Variants in OPHN1 observed in about 807,000 individuals in gnomAD.
OPHN1 encodes oligophrenin-1.
In OPHN1, 11 loss-of-function variants were observed where a neutral mutation model predicts 60.7. That is an observed-to-expected ratio of 0.18 (90% CI 0.11 to 0.30). OPHN1 has a LOEUF of 0.30. Among genes scored for constraint, OPHN1 ranks in the 10% least tolerant of loss-of-function variants. OPHN1 has a pLI of 1.00. For synonymous variants in OPHN1, 226 were observed against 222.6 expected, an observed-to-expected ratio of 1.02 and a Z score of -0.14; for missense variants, 449 against 611.0, an observed-to-expected ratio of 0.73 and a Z score of 2.80.
At chrX:68,060,451 A>G (rs1224150885) in intron 21 of OPHN1, among the ~76,000 whole-genome samples, 3 of 111,427 alleles carry the variant, frequency 2.7e-5, no homozygotes, top group East Asian at 5.7e-4. Context: ...GCCTATCACA[A>G]TGATTAGACG....
At chrX:68,248,086 G>A (rs776637720) in intron 5 of OPHN1, among the ~76,000 whole-genome samples, 8 of 110,819 alleles carry the variant, frequency 7.2e-5, no homozygotes, top group South Asian at 7.7e-4. Context: ...TCATATCGCC[G>A]AAAGGACACT....
At chrX:68,340,567 A>G (rs1283783637) in intron 2 of OPHN1, among the ~76,000 whole-genome samples, 1 of 112,457 alleles carries the variant, frequency 8.9e-6, no homozygotes, top group Non-Finnish European at 1.9e-5. Flanking sequence ...AATGGTTGAC[A>G]GACCTAAATA....
At chrX:68,146,663 T>G (rs1040833169) in intron 15 of OPHN1, among the ~76,000 whole-genome samples, 1 of 112,606 alleles carries the variant, frequency 8.9e-6, no homozygotes, top group Admixed American at 9.4e-5. Flanking sequence ...TTCTTGAAAC[T>G]TTCCATAAAA....
chrX:68,132,933 C>G, intron 15 of OPHN1: 1 of 377,856 alleles, frequency 2.6e-6, no homozygotes, highest in South Asian at 3.6e-5. Context: ...CCTGCTTCCC[C>G]GAAGCAGCCG....
chrX:68,231,812 T>C (rs1569252651), intron 6 of OPHN1, among the ~76,000 whole-genome samples: 4 of 111,534 alleles, frequency 3.6e-5, no homozygotes, highest in African/African-American at 3.3e-5. Context: ...AGGGATAAAG[T>C]CCAGGGATGT....
chrX:68,247,387 T>A (rs978176324), intron 5 of OPHN1, among the ~76,000 whole-genome samples: 1 of 111,793 alleles, frequency 8.9e-6, no homozygotes, highest in Non-Finnish European at 1.9e-5. Context: ...TTCCATCACA[T>A]AGATTTCTTA....
At chrX:68,236,068 GAACT>G (rs1394383151) in intron 5 of OPHN1, among the ~76,000 whole-genome samples, 2 of 111,001 alleles carry the variant, frequency 1.8e-5, no homozygotes, top group Non-Finnish European at 3.8e-5. Context: ...CAAATAAGCT[GAACT>G]AACATCCAAG....
At chrX:68,311,638 G>A (rs2147645613) in intron 2 of OPHN1, among the ~76,000 whole-genome samples, 1 of 111,905 alleles carries the variant, frequency 8.9e-6, no homozygotes, top group Admixed American at 9.5e-5. Flanking sequence ...TCACCATGTT[G>A]ACCAAGCTGG....
chrX:68,224,215 G>T (rs754618141), intron 6 of OPHN1, among the ~76,000 whole-genome samples: 71 of 111,769 alleles, frequency 6.4e-4, no homozygotes, highest in Admixed American at 1.4e-3. Flanking sequence ...AAATACACCT[G>T]AAGAAATCTA....
chrX:68,247,011 G>C (rs920155929), intron 5 of OPHN1, among the ~76,000 whole-genome samples: 1 of 111,650 alleles, frequency 9.0e-6, no homozygotes, highest in African/African-American at 3.3e-5. Flanking sequence ...CACCTTGAGA[G>C]GATATACATG....
At chrX:68,224,061 G>A (rs780153475) in intron 6 of OPHN1, among the ~76,000 whole-genome samples, 9 of 111,373 alleles carry the variant, frequency 8.1e-5, no homozygotes, top group South Asian at 7.5e-4. Flanking sequence ...CAGAAAATCC[G>A]TATGGACATT....
At chrX:68,405,348 C>A (rs2078736935) in intron 2 of OPHN1, among the ~76,000 whole-genome samples, 1 of 111,390 alleles carries the variant, frequency 9.0e-6, no homozygotes, top group African/African-American at 3.3e-5. Flanking sequence ...CATGACACCA[C>A]CTGGCTAATT....
intron 2 of OPHN1, among the ~76,000 whole-genome samples, chrX:68,346,198 A>G: frequency 8.9e-6 from 1 of 111,960 alleles, no homozygotes; most frequent in Non-Finnish European, 1.9e-5. Context: ...CACAGGTACA[A>G]ATTGTATGGT....
chrX:68,170,264 T>C (rs747764414), intron 15 of OPHN1, among the ~76,000 whole-genome samples: 7 of 103,087 alleles, frequency 6.8e-5, no homozygotes, highest in African/African-American at 2.5e-4. Context: ...ATGGCAATCA[T>C]TAAAAAGTCA....
chrX:68,414,432 C>T lies in OPHN1; in HGVS notation c.154+18435G>A, dbSNP rs188682661. Among the ~76,000 whole-genome samples, 3 of 111,500 alleles carry T rather than the reference C, an allele frequency of 2.7e-5. No homozygotes were observed. In the East Asian group the frequency reaches 8.5e-4, roughly 31 times the overall value. On this transcript the variant is annotated intron_variant, in intron 2 of 24. Coordinates refer to ENST00000355520, the MANE Select transcript of OPHN1 (RefSeq NM_002547.3). ...TTCTCTTCTCTTTGTGAAGTATATT[C>T]TTGAATTTTCAAGTCATAAGCCATA...
chrX:68,171,106 A>G (rs778420531), intron 15 of OPHN1, among the ~76,000 whole-genome samples: 2 of 110,459 alleles, frequency 1.8e-5, no homozygotes, highest in African/African-American at 6.6e-5. Context: ...ATACATTTTA[A>G]AATAACTAAA....
chrX:68,109,592 G>GT lies in OPHN1; in HGVS notation c.1526+2261dup, dbSNP rs201551294. On this transcript the variant is annotated intron_variant, in intron 18 of 24. Transcript: ENST00000355520. ...CTACATTTAACTTTTGGAGTCATTA[G>GT]TTTTTTTTAAATTTATCTTAGTGTA... 2.6e-3 allele frequency among the ~76,000 whole-genome samples: 293 copies of GT among 110,812 alleles called. 2 individuals carry two copies. Among genetic ancestry groups the GT allele is most frequent in the African/African-American group, 9.2e-3 (280 of 30,543 alleles).
intron 15 of OPHN1, among the ~76,000 whole-genome samples, chrX:68,125,962 C>CAT (rs1475479383): frequency 2.0e-4 from 5 of 25,066 alleles, no homozygotes; most frequent in Non-Finnish European, 5.1e-4. Context: ...TATATACATA[C>CAT]ACACACACAC....
intron 6 of OPHN1, among the ~76,000 whole-genome samples, chrX:68,221,147 G>A (rs1169259453): frequency 1.2e-5 from 1 of 80,771 alleles, no homozygotes; most frequent in East Asian, 4.4e-4. Context: ...AACAGACAGA[G>A]AGCCAAATCA....
Sources: allele counts gnomAD v4.1 joint callset (sites outside exome capture counted in the v4.1 genomes callset), GRCh38; gene constraint gnomAD v4.1.1; transcripts MANE v1.5; gene names NCBI Gene and HGNC (gene_info 2026-07-23, HGNC 2026-07-21).